RABGAP1L: variants seen among roughly 807,000 people sequenced by gnomAD.
The protein encoded by RABGAP1L is RAB GTPase activating protein 1 like, also known as rab GTPase-activating protein 1-like.
RABGAP1L carries 63 observed loss-of-function variants against 137.7 expected under a neutral mutation model. The ratio of observed to expected loss-of-function variants is 0.46; its 90% CI spans 0.37 to 0.56. The LOEUF (loss-of-function observed/expected upper bound fraction) is 0.56, where lower values mean the gene tolerates loss of function less well. Among genes scored for constraint, RABGAP1L ranks in the 20% least tolerant of loss-of-function variants. The pLI is 0.00. For missense variants in RABGAP1L, 1,095 were observed against 1,244.0 expected (o/e 0.88, Z 1.80); for synonymous variants, 431 against 433.7 (o/e 0.99, Z 0.08).
intron 19 of RABGAP1L, among the ~76,000 whole-genome samples, chr1:174,814,613 G>A (rs1460856081): frequency 6.6e-6 from 1 of 151,934 alleles, no homozygotes; most frequent in Non-Finnish European, 1.5e-5. Context: ...ATGACTATAT[G>A]TACGTACTTA....
At chr1:174,630,250 T>A (rs1673249380) in intron 13 of RABGAP1L, among the ~76,000 whole-genome samples, 1 of 135,608 alleles carries the variant, frequency 7.4e-6, no homozygotes, top group Non-Finnish European at 1.6e-5. Flanking sequence ...GCCCACTTGA[T>A]CATGGTGGAT....
chr1:174,318,747 T>A (rs1357091778), intron 11 of RABGAP1L, among the ~76,000 whole-genome samples: 2 of 151,920 alleles, frequency 1.3e-5, no homozygotes, highest in African/African-American at 4.8e-5. Context: ...TTATCTTTTA[T>A]GTATTTGCTA....
chr1:174,909,354 G>C (rs1005617205), intron 19 of RABGAP1L, among the ~76,000 whole-genome samples: 1 of 152,070 alleles, frequency 6.6e-6, no homozygotes, highest in Non-Finnish European at 1.5e-5. Flanking sequence ...CTCCCAAGTA[G>C]CTGGGACTAT....
intron 13 of RABGAP1L, among the ~76,000 whole-genome samples, chr1:174,571,988 G>C (rs1668014609): frequency 6.6e-6 from 1 of 152,074 alleles, no homozygotes; most frequent in Admixed American, 6.6e-5. Flanking sequence ...AAGAAATTTT[G>C]ATATTGTACT....
chr1:174,961,171 C>CT (rs1388582944), intron 20 of RABGAP1L, among the ~76,000 whole-genome samples: 1 of 152,100 alleles, frequency 6.6e-6, no homozygotes, highest in Non-Finnish European at 1.5e-5. Context: ...TTTGTCTACT[C>CT]TAACATTTTG....
chr1:174,446,731 A>C (rs1558241652), intron 13 of RABGAP1L, among the ~76,000 whole-genome samples: 1 of 152,204 alleles, frequency 6.6e-6, no homozygotes, highest in Non-Finnish European at 1.5e-5. Context: ...GAAAAATAGA[A>C]GAGGCATTTT....
intron 13 of RABGAP1L, among the ~76,000 whole-genome samples, chr1:174,610,624 C>T (rs539344988): frequency 1.2e-3 from 187 of 152,182 alleles, no homozygotes; most frequent in East Asian, 6.9e-3. Flanking sequence ...CCTGAGGAAT[C>T]GCCACACTGA....
intron 19 of RABGAP1L, among the ~76,000 whole-genome samples, chr1:174,842,425 A>G (rs1338836823): frequency 6.6e-6 from 1 of 152,234 alleles, no homozygotes; most frequent in Non-Finnish European, 1.5e-5. Context: ...GTTAGGTCAT[A>G]AACTACAGAA....
At chr1:174,376,026 C>T (rs577582028) in intron 12 of RABGAP1L, among the ~76,000 whole-genome samples, 1 of 151,822 alleles carries the variant, frequency 6.6e-6, no homozygotes, top group African/African-American at 2.4e-5. Context: ...TCAGATTGTA[C>T]CACTGCACTC....
intron 19 of RABGAP1L, among the ~76,000 whole-genome samples, chr1:174,947,005 T>C (rs1409090687): frequency 2.1e-5 from 3 of 146,064 alleles, no homozygotes; most frequent in Non-Finnish European, 4.5e-5. Context: ...TATATATGTA[T>C]GTATGTGTTC....
intron 7 of RABGAP1L, among the ~76,000 whole-genome samples, chr1:174,269,136 G>C (rs1377723842): frequency 6.6e-6 from 1 of 152,022 alleles, no homozygotes; most frequent in African/African-American, 2.4e-5. Context: ...GTAGAGACGG[G>C]GTTTCATCTT....
intron 20 of RABGAP1L, among the ~76,000 whole-genome samples, chr1:174,959,699 C>G (rs1323675120): frequency 6.6e-6 from 1 of 152,120 alleles, no homozygotes; most frequent in Non-Finnish European, 1.5e-5. Context: ...TCAGTACATT[C>G]ATCTAATGTC....
chr1:174,282,482 T>G (rs993485647), intron 10 of RABGAP1L, among the ~76,000 whole-genome samples: 4 of 152,206 alleles, frequency 2.6e-5, no homozygotes, highest in Non-Finnish European at 5.9e-5. Flanking sequence ...TTTGTCTTAC[T>G]GAGTTGCAAG....
At chr1:174,298,983 A>G (rs1476404157) in intron 10 of RABGAP1L, among the ~76,000 whole-genome samples, 1 of 152,230 alleles carries the variant, frequency 6.6e-6, no homozygotes, top group East Asian at 1.9e-4. Context: ...AAAAACAACG[A>G]ATCAGTTTAG....
intron 1 of RABGAP1L, among the ~76,000 whole-genome samples, chr1:174,216,518 C>G (rs1226261269): frequency 2.7e-5 from 4 of 150,888 alleles, no homozygotes; most frequent in Non-Finnish European, 4.4e-5. Context: ...GTGCCATTAC[C>G]TTGTAACAGG....
At chr1:174,602,086 T>G (rs1257037374) in intron 13 of RABGAP1L, among the ~76,000 whole-genome samples, 1 of 152,182 alleles carries the variant, frequency 6.6e-6, no homozygotes, top group Non-Finnish European at 1.5e-5. Context: ...TGTTCCAACC[T>G]CTACCTGTTA....
chr1:174,905,720 G>C (rs370719879), intron 19 of RABGAP1L, among the ~76,000 whole-genome samples: 3 of 151,970 alleles, frequency 2.0e-5, no homozygotes, highest in Admixed American at 2.0e-4. Context: ...ACATGGTGCC[G>C]GGTGCCTGAA....
intron 13 of RABGAP1L, among the ~76,000 whole-genome samples, chr1:174,475,362 T>A (rs1368836941): frequency 6.6e-6 from 1 of 152,188 alleles, no homozygotes; most frequent in Non-Finnish European, 1.5e-5. Context: ...GGCAGTTATT[T>A]TATATCTTCT....
At chr1:174,279,118 C>T (rs183538588) in intron 10 of RABGAP1L, among the ~76,000 whole-genome samples, 2 of 152,194 alleles carry the variant, frequency 1.3e-5, no homozygotes, top group East Asian at 3.9e-4. Context: ...ATATCATATG[C>T]TTATAAAATT....
Sources: gnomAD v4.1 joint callset for allele counts (sites outside exome capture counted in the v4.1 genomes callset) on GRCh38, gnomAD v4.1.1 for gene constraint, MANE v1.5 for transcripts, NCBI Gene and HGNC (gene_info 2026-07-23, HGNC 2026-07-21) for gene names.